SAMTOR: variants seen among roughly 807,000 people sequenced by gnomAD.
SAMTOR encodes the protein S-adenosylmethionine sensor upstream of mTORC1.
At chr7:112,835,151 G>A in the SAMTOR span, among the ~76,000 whole-genome samples, 1 of 152,084 alleles carries the variant, frequency 6.6e-6, no homozygotes, top group Non-Finnish European at 1.5e-5. Flanking sequence ...CTGTGAAGAA[G>A]GGGTGGCTAC....
At chr7:112,938,202 C>T in the SAMTOR span, among the ~76,000 whole-genome samples, 3 of 152,090 alleles carry the variant, frequency 2.0e-5, no homozygotes, top group African/African-American at 7.2e-5. Flanking sequence ...GGTAACTACT[C>T]ATTTTATTGA....
At chr7:112,922,091 G>A in the SAMTOR span, among the ~76,000 whole-genome samples, 6 of 152,208 alleles carry the variant, frequency 3.9e-5, no homozygotes, top group South Asian at 2.1e-4. Flanking sequence ...GAGTGCCTGC[G>A]ATTACAGGCG....
the SAMTOR span, among the ~76,000 whole-genome samples, chr7:112,902,439 C>CAAAA: frequency 4.9e-5 from 4 of 81,500 alleles, 1 homozygote; most frequent in African/African-American, 1.5e-4. Flanking sequence ...CAAAAAAAAA[C>CAAAA]AAAAAAAAAC....
At chr7:112,858,404 G>A in the SAMTOR span, among the ~76,000 whole-genome samples, 1 of 150,928 alleles carries the variant, frequency 6.6e-6, no homozygotes, top group Non-Finnish European at 1.5e-5. Flanking sequence ...TAAATATACA[G>A]ATTTTGAAAG....
At chr7:112,823,338 C>T in the SAMTOR span, among the ~76,000 whole-genome samples, 1 of 152,140 alleles carries the variant, frequency 6.6e-6, no homozygotes, top group African/African-American at 2.4e-5. Context: ...CTGGCATGGT[C>T]GAATTAATGA....
the SAMTOR span, among the ~76,000 whole-genome samples, chr7:112,842,370 A>G: frequency 1.3e-5 from 2 of 151,950 alleles, no homozygotes; most frequent in African/African-American, 4.8e-5. Flanking sequence ...TGGAGATTCA[A>G]TTCTATAAGA....
the SAMTOR span, among the ~76,000 whole-genome samples, chr7:112,931,029 TTA>T: frequency 6.6e-6 from 1 of 152,208 alleles, no homozygotes; most frequent in East Asian, 1.9e-4. Flanking sequence ...TCAAATGCAG[TTA>T]TTTAGTCTCT....
At chr7:112,853,617 C>T in the SAMTOR span, among the ~76,000 whole-genome samples, 1 of 152,020 alleles carries the variant, frequency 6.6e-6, no homozygotes, top group Non-Finnish European at 1.5e-5. Context: ...CAATATTTAC[C>T]CAAGTATGTA....
the SAMTOR span, among the ~76,000 whole-genome samples, chr7:112,907,211 T>C: frequency 1.3e-5 from 2 of 152,276 alleles, no homozygotes; most frequent in East Asian, 3.9e-4. Flanking sequence ...TAGTACATCA[T>C]GTAAGTGTCA....
At chr7:112,915,463 T>C in the SAMTOR span, 9 of 1,567,808 alleles carry the variant, frequency 5.7e-6, no homozygotes, top group Non-Finnish European at 7.8e-6. Context: ...AACAAAGTGA[T>C]AAATGAATTA....
the SAMTOR span, chr7:112,820,063 T>C: frequency 1.3e-5 from 2 of 152,476 alleles, no homozygotes; most frequent in Non-Finnish European, 1.5e-5. Flanking sequence ...TGAAAGTAAA[T>C]GAAAAATTTC....
chr7:112,925,654 T>C, the SAMTOR span, among the ~76,000 whole-genome samples: 1 of 151,834 alleles, frequency 6.6e-6, no homozygotes, highest in South Asian at 2.1e-4. Flanking sequence ...ATTAGCCAGG[T>C]GTGGTGGCGC....
the SAMTOR span, among the ~76,000 whole-genome samples, chr7:112,886,464 A>G: frequency 1.3e-5 from 2 of 152,214 alleles, no homozygotes; most frequent in African/African-American, 4.8e-5. Flanking sequence ...AAAGACATGA[A>G]AACTCAAGCA....
the SAMTOR span, among the ~76,000 whole-genome samples, chr7:112,834,846 TTA>T: frequency 6.6e-6 from 1 of 152,254 alleles, no homozygotes; most frequent in African/African-American, 2.4e-5. Flanking sequence ...TATGGGCATT[TTA>T]TCATCTCACA....
chr7:112,912,342 C>T, the SAMTOR span, among the ~76,000 whole-genome samples: 307 of 152,046 alleles, frequency 2.0e-3, 1 homozygote, highest in Non-Finnish European at 2.9e-3. Context: ...CTGTATATTG[C>T]ATTTTTTTCT....
chr7:112,869,308 C>T, the SAMTOR span, among the ~76,000 whole-genome samples: 3 of 152,084 alleles, frequency 2.0e-5, no homozygotes, highest in East Asian at 3.9e-4. Context: ...AGACCAGTGG[C>T]ACTGGCGGGA....
At chr7:112,867,482 T>C in the SAMTOR span, among the ~76,000 whole-genome samples, 4 of 152,206 alleles carry the variant, frequency 2.6e-5, no homozygotes, top group East Asian at 1.9e-4. Context: ...ATTACTCTTA[T>C]AAAAATTTTC....
At chr7:112,819,636 G>A in the SAMTOR span, 1 of 152,538 alleles carries the variant, frequency 6.6e-6, no homozygotes, top group African/African-American at 2.4e-5. Context: ...GTGGTAGTAG[G>A]TTTTATAAAG....
chr7:112,922,003 C>T, the SAMTOR span, among the ~76,000 whole-genome samples: 15 of 151,904 alleles, frequency 9.9e-5, no homozygotes, highest in African/African-American at 3.6e-4. Context: ...CCTCTGATGC[C>T]GAGCCGAAGC....
Sources: gnomAD v4.1 joint callset for allele counts (sites outside exome capture counted in the v4.1 genomes callset) on GRCh38, gnomAD v4.1.1 for gene constraint, MANE v1.5 for transcripts, NCBI Gene and HGNC (gene_info 2026-07-23, HGNC 2026-07-21) for gene names.